Variants in ERGIC1 observed in about 807,000 individuals in gnomAD.
The protein encoded by ERGIC1 is endoplasmic reticulum-Golgi intermediate compartment protein 1.
A neutral mutation model predicts 38.3 loss-of-function variants in ERGIC1; 19 were observed. That is an observed-to-expected ratio of 0.50 (90% confidence interval 0.35 to 0.73). ERGIC1 has a LOEUF of 0.73. ERGIC1 is among the 30% of genes least tolerant of loss of function. ERGIC1 has a pLI of 0.01. For missense variants in ERGIC1, 294 were observed against 389.2 expected (o/e 0.76, Z 2.06); for synonymous variants, 124 against 157.6 (o/e 0.79, Z 1.60).
rs921128600 is a variant in ERGIC1 at position 172,952,232 on chromosome 5, T to A, written c.*1416T>A. ...TGGAAGGATTTTTAAAATTATCTTA[T>A]GGATAGCTCAAGTCTCTGCCATTTG... On this transcript the variant is annotated 3_prime_UTR_variant, in exon 10 of 10. Coordinates refer to ENST00000393784, the MANE Select transcript of ERGIC1 (RefSeq NM_001031711.3). The A allele has an allele frequency of 6.6e-6, 1 of 152,226 alleles. No individual in the cohort carries two copies. Among genetic ancestry groups the A allele is most frequent in the Non-Finnish European group, 1.5e-5 (1 of 68,040 alleles). 9.4% of individuals were successfully genotyped at this position (152,226 alleles called of 1,614,324 possible).
intron 1 of ERGIC1, among the ~76,000 whole-genome samples, chr5:172,875,204 G>C (rs935107426): frequency 1.3e-5 from 2 of 152,164 alleles, no homozygotes; most frequent in Admixed American, 6.6e-5. Context: ...GTTTAAATAA[G>C]AGTTTTTTTG....
intron 1 of ERGIC1, among the ~76,000 whole-genome samples, chr5:172,874,735 G>A (rs1302793106): frequency 2.6e-5 from 4 of 151,960 alleles, no homozygotes; most frequent in Non-Finnish European, 5.9e-5. Context: ...GAGACAGCCA[G>A]GGCAACATGG....
intron 7 of ERGIC1, among the ~76,000 whole-genome samples, chr5:172,930,377 G>A (rs1763752336): frequency 6.7e-6 from 1 of 149,398 alleles, no homozygotes; most frequent in South Asian, 2.1e-4. Flanking sequence ...TTGAGATGGA[G>A]TCTCGCTCTG....
intron 7 of ERGIC1, among the ~76,000 whole-genome samples, chr5:172,930,412 A>T (rs1416512046): frequency 6.7e-6 from 1 of 149,976 alleles, no homozygotes; most frequent in Non-Finnish European, 1.5e-5. Flanking sequence ...GTGCAGTGGC[A>T]GCTCACTGCA....
chr5:172,903,620 T>C (rs766959797), intron 3 of ERGIC1, among the ~76,000 whole-genome samples: 1 of 152,194 alleles, frequency 6.6e-6, no homozygotes, highest in African/African-American at 2.4e-5. Flanking sequence ...TGAGCATCGA[T>C]ATTAATAATA....
intron 3 of ERGIC1, chr5:172,898,444 C>T (rs1762785367): frequency 6.6e-6 from 1 of 152,260 alleles, no homozygotes; most frequent in Admixed American, 6.5e-5. Flanking sequence ...GCCTATGAGA[C>T]AGGAGGGCTG....
chr5:172,935,484 T>A, intron 9 of ERGIC1, 174 bp downstream of exon 9: 1 of 739,298 alleles, frequency 1.4e-6, no homozygotes, highest in Non-Finnish European at 2.2e-6. Context: ...AGAAATGTTG[T>A]CAGAAACACA....
intron 1 of ERGIC1, among the ~76,000 whole-genome samples, chr5:172,847,182 G>C (rs954692052): frequency 6.6e-6 from 1 of 152,114 alleles, no homozygotes; most frequent in East Asian, 1.9e-4. Context: ...TCTGGGGTGT[G>C]CTGGATCCTC....
intron 1 of ERGIC1, chr5:172,867,654 C>T (rs1463848841): frequency 3.2e-6 from 1 of 313,286 alleles, no homozygotes; most frequent in African/African-American, 2.2e-5. Context: ...CTCTCTCTGC[C>T]CTAGCATGAA....
intron 6 of ERGIC1, among the ~76,000 whole-genome samples, chr5:172,924,879 G>A (rs1763615128): frequency 6.6e-6 from 1 of 152,186 alleles, no homozygotes; most frequent in African/African-American, 2.4e-5. Context: ...ATACCTTGGT[G>A]AGGACAAACA....
chr5:172,838,049 G>A (rs540399585), intron 1 of ERGIC1, among the ~76,000 whole-genome samples: 26 of 152,276 alleles, frequency 1.7e-4, no homozygotes, highest in Admixed American at 5.2e-4. Context: ...CGGGGGTGCC[G>A]CTGCACTGGC....
At chr5:172,937,891 GGGAGGCTGA>G (rs1314825930) in intron 9 of ERGIC1, 1 of 151,980 alleles carries the variant, frequency 6.6e-6, no homozygotes, top group Admixed American at 6.6e-5. Context: ...CCAGCTACTT[GGGAGGCTGA>G]GGTGGGAGAA....
chr5:172,905,696 C>A (rs555968703), intron 3 of ERGIC1, among the ~76,000 whole-genome samples: 24 of 152,156 alleles, frequency 1.6e-4, no homozygotes, highest in African/African-American at 4.6e-4. Flanking sequence ...GGGTCTGTGA[C>A]GACTGCGATC....
intron 1 of ERGIC1, among the ~76,000 whole-genome samples, chr5:172,836,898 G>T (rs1300027998): frequency 6.6e-6 from 1 of 152,212 alleles, no homozygotes; most frequent in African/African-American, 2.4e-5. Flanking sequence ...AAGGAGAGGG[G>T]AGCTCCACTG....
chr5:172,932,361 AG>A (rs1318753234), intron 7 of ERGIC1, 74 bp from the exon 8 acceptor site: 1 of 1,487,638 alleles, frequency 6.7e-7, no homozygotes, highest in East Asian at 2.3e-5. Flanking sequence ...ATTTAGGCTT[AG>A]GATTGAAATG....
At chr5:172,935,001 T>C in intron 8 of ERGIC1, 187 bp from the exon 9 acceptor site, 1 of 758,254 alleles carries the variant, frequency 1.3e-6, no homozygotes, top group South Asian at 1.7e-5. Context: ...AATGCCCAGC[T>C]GTGCACGGCA....
Position 172,888,743 on chromosome 5 carries a change from C to T in ERGIC1, c.65C>T (p.Thr22Met), listed in dbSNP as rs1030389912. ...RKVPKDLTQPTYTGAIISICC... is the reference protein window; with the variant it reads ...RKVPKDLTQPMYTGAIISICC... ...GTGCCCAAGGACCTTACGCAGCCAA[C>T]GTACACCGGGGCCATTAGTGAGTAG... Residue 22 changes from threonine (T) to methionine (M), a missense_variant, in exon 2 of 10, where the codon ACG (threonine) becomes ATG (methionine). Transcript: ENST00000393784. 4.3e-6 allele frequency: 7 copies of T among 1,614,160 alleles called. No homozygotes were observed. The highest frequency in any genetic ancestry group is 1.3e-5 in the African/African-American group (1 of 75,040).
intron 1 of ERGIC1, among the ~76,000 whole-genome samples, chr5:172,877,571 C>A (rs147636820): frequency 9.1e-4 from 137 of 150,270 alleles, no homozygotes; most frequent in African/African-American, 3.2e-3. Flanking sequence ...GCACCACCCC[C>A]CTGACACAGG....
chr5:172,905,968 T>G (rs1467606845), intron 3 of ERGIC1: 2 of 423,292 alleles, frequency 4.7e-6, no homozygotes, highest in African/African-American at 4.1e-5. Flanking sequence ...ACTACCTGAT[T>G]GGTCAGGTGT....
Sources: allele counts gnomAD v4.1 joint callset (sites outside exome capture counted in the v4.1 genomes callset), GRCh38; gene constraint gnomAD v4.1.1; transcripts MANE v1.5; gene names NCBI Gene and HGNC (gene_info 2026-07-23, HGNC 2026-07-21).